Variants in CPED1 observed in about 807,000 individuals in gnomAD.
The protein encoded by CPED1 is cadherin-like and PC-esterase domain-containing protein 1.
Under a neutral mutation model 128.2 loss-of-function variants are expected in CPED1, and 114 were observed. The ratio of observed to expected loss-of-function variants is 0.89; its 90% confidence interval spans 0.76 to 1.04. CPED1 has a LOEUF of 1.04. Among genes scored for constraint, CPED1 ranks in the 50% least tolerant of loss-of-function variants. The probability of loss-of-function intolerance (pLI) is 0.00; values close to 1 mark genes in which losing one functional copy is unlikely to be tolerated. For synonymous variants in CPED1, 462 were observed against 426.7 expected, an observed-to-expected ratio of 1.08 and a Z score of -1.02; for missense variants, 1,211 against 1,207.1, an observed-to-expected ratio of 1.00 and a Z score of -0.05.
intron 16 of CPED1, among the ~76,000 whole-genome samples, chr7:121,202,574 C>T (rs1434327397): frequency 1.3e-5 from 2 of 152,200 alleles, no homozygotes; most frequent in African/African-American, 4.8e-5. Context: ...TACAGTTGGG[C>T]TCCAGAATTT....
chr7:121,015,025 A>G (rs954702400), intron 2 of CPED1, among the ~76,000 whole-genome samples: 2 of 152,214 alleles, frequency 1.3e-5, no homozygotes, highest in African/African-American at 4.8e-5. Flanking sequence ...GAGAAAGAGG[A>G]ATATTTATAT....
chr7:121,192,645 T>C, intron 16 of CPED1, among the ~76,000 whole-genome samples: 1 of 5,810 alleles, frequency 1.7e-4, no homozygotes. Flanking sequence ...CAGGTCAGGC[T>C]TTGAGGGGTA....
intron 16 of CPED1, among the ~76,000 whole-genome samples, chr7:121,203,085 G>A (rs185125737): frequency 6.6e-6 from 1 of 152,118 alleles, no homozygotes; most frequent in East Asian, 1.9e-4. Context: ...CACCACCAGA[G>A]GACATGATAC....
At chr7:121,044,664 T>TTTTTTTTTTTTTTTTTTA (rs1253162000) in intron 3 of CPED1, among the ~76,000 whole-genome samples, 1 of 141,016 alleles carries the variant, frequency 7.1e-6, no homozygotes, top group Non-Finnish European at 1.5e-5. Context: ...TTTTTTTTTT[T>TTTTTTTTTTTTTTTTTTA]TTTTTGCTAT....
intron 4 of CPED1, chr7:121,062,650 A>G (rs1292183653): frequency 6.6e-6 from 1 of 152,066 alleles, no homozygotes; most frequent in East Asian, 1.9e-4. Flanking sequence ...CTTAGTGCAA[A>G]TGAATGTCAG....
Position 121,157,969 on chromosome 7 carries a change from T to C in CPED1, c.2055+15828T>C, listed in dbSNP as rs538619589. The stretch of plus-strand genomic sequence containing the variant: ...CCTTACTGGTTAAATCTTAGTGGCA[T>C]TGTCTTGATATCATAAAATATAAAA... On this transcript the variant is annotated intron_variant, in intron 16 of 22. Transcript: ENST00000310396. 9.8e-5 allele frequency among the ~76,000 whole-genome samples: 15 copies of C among 152,310 alleles called. No homozygotes were observed. The South Asian group carries it at 3.1e-3, about 32-fold the overall frequency.
In CPED1 at chr7:121,132,192, T is replaced by G. The variant is rs184227670; in HGVS notation, c.1578-1631T>G. On this transcript the variant is annotated intron_variant, in intron 12 of 22. Transcript: ENST00000310396. Reference sequence around the variant, plus strand: ...AATGAGGATGCATGTTATATACATGTTCCAGATGAGAAAATGAAGTGCTAA... The same window carrying G: ...AATGAGGATGCATGTTATATACATGGTCCAGATGAGAAAATGAAGTGCTAA... 7.9e-3 allele frequency among the ~76,000 whole-genome samples: 1,208 copies of G among 152,186 alleles called. 7 individuals carry two copies. The highest frequency in any genetic ancestry group is 0.028 in the Admixed American group (434 of 15,256).
chr7:121,166,979 C>A (rs1036097801), intron 16 of CPED1, among the ~76,000 whole-genome samples: 2 of 152,110 alleles, frequency 1.3e-5, no homozygotes, highest in Non-Finnish European at 2.9e-5. Flanking sequence ...TTTTGGGACA[C>A]AACACACTTT....
chr7:121,038,981 G>T (rs1287553464), intron 3 of CPED1, among the ~76,000 whole-genome samples: 2 of 152,036 alleles, frequency 1.3e-5, no homozygotes, highest in African/African-American at 4.8e-5. Flanking sequence ...GGTAATGTTT[G>T]CTAGGTTTTT....
intron 7 of CPED1, among the ~76,000 whole-genome samples, chr7:121,112,295 A>T (rs1035371583): frequency 1.3e-5 from 2 of 152,190 alleles, no homozygotes; most frequent in Admixed American, 6.5e-5. Flanking sequence ...TAAATTAAAG[A>T]TATCAACATG....
chr7:121,263,758 C>T (rs1288603292), intron 18 of CPED1, among the ~76,000 whole-genome samples: 1 of 152,002 alleles, frequency 6.6e-6, no homozygotes, highest in African/African-American at 2.4e-5. Context: ...GCCCACAATA[C>T]AGATATCTAG....
intron 4 of CPED1, among the ~76,000 whole-genome samples, chr7:121,056,504 A>G (rs1199878040): frequency 6.6e-6 from 1 of 152,178 alleles, no homozygotes; most frequent in South Asian, 2.1e-4. Context: ...CCTTTATCCC[A>G]CACTCAGTAC....
intron 4 of CPED1, among the ~76,000 whole-genome samples, chr7:121,052,902 A>G (rs1215028605): frequency 2.0e-5 from 3 of 151,964 alleles, no homozygotes; most frequent in East Asian, 1.9e-4. Context: ...TATTTTTAGT[A>G]GAGACTGAGT....
chr7:121,175,685 C>A (rs1390952381), intron 16 of CPED1, among the ~76,000 whole-genome samples: 1 of 152,022 alleles, frequency 6.6e-6, no homozygotes, highest in African/African-American at 2.4e-5. Flanking sequence ...CAAGGAAGTT[C>A]CAAAATTGGA....
intron 2 of CPED1, among the ~76,000 whole-genome samples, chr7:121,004,881 G>A (rs960759924): frequency 7.2e-5 from 11 of 152,118 alleles, no homozygotes; most frequent in Non-Finnish European, 1.6e-4. Context: ...ATTAACAAAT[G>A]GACTAATTTC....
At chr7:121,160,661 G>A (rs930602635) in intron 16 of CPED1, among the ~76,000 whole-genome samples, 7 of 152,282 alleles carry the variant, frequency 4.6e-5, no homozygotes, top group Admixed American at 2.0e-4. Context: ...GGTAAGGTTC[G>A]CCAGGCTAAG....
At chr7:121,128,542 C>A in intron 11 of CPED1, 56 bp downstream of exon 11, 1 of 868,084 alleles carries the variant, frequency 1.2e-6, no homozygotes, top group South Asian at 1.4e-5. Flanking sequence ...GAGTAGATCA[C>A]TGTAAGCTAC....
intron 5 of CPED1, among the ~76,000 whole-genome samples, chr7:121,091,942 T>C (rs1794581337): frequency 6.6e-6 from 1 of 152,204 alleles, no homozygotes; most frequent in South Asian, 2.1e-4. Flanking sequence ...CCACATCATC[T>C]TGGGCCCAAG....
intron 3 of CPED1, among the ~76,000 whole-genome samples, chr7:121,042,879 A>G (rs1793093806): frequency 1.3e-5 from 2 of 152,206 alleles, no homozygotes; most frequent in African/African-American, 2.4e-5. Flanking sequence ...AGTATTCTAA[A>G]GAGCAAGGCT....
Sources: allele counts gnomAD v4.1 joint callset (sites outside exome capture counted in the v4.1 genomes callset), GRCh38; gene constraint gnomAD v4.1.1; transcripts MANE v1.5; gene names NCBI Gene and HGNC (gene_info 2026-07-23, HGNC 2026-07-21).